The following SH3BP1 variants were observed in gnomAD, a reference collection of about 807,000 sequenced individuals.
The protein encoded by SH3BP1 is SH3 domain-binding protein 1.
SH3BP1 carries 46 observed loss-of-function variants against 69.8 expected under a neutral mutation model. The ratio of observed to expected loss-of-function variants is 0.66; its 90% confidence interval spans 0.52 to 0.84. The LOEUF (loss-of-function observed/expected upper bound fraction) is 0.84. Ranked by LOEUF, SH3BP1 falls within the 40% of genes least tolerant of loss-of-function variation. The pLI is 0.00. For missense variants in SH3BP1, 868 were observed against 930.9 expected (o/e 0.93, Z 0.88); for synonymous variants, 403 against 378.0 (o/e 1.07, Z -0.77).
chr22:37,650,660 G>C lies in SH3BP1; in HGVS notation c.1533G>C (p.Pro511=). 6.2e-7 allele frequency: 1 copy of C among 1,613,450 alleles called. No homozygotes were observed. Among genetic ancestry groups the C allele is most frequent in the Non-Finnish European group, 8.5e-7 (1 of 1,179,760 alleles). ...CCGTGCCCACCCCAGCCACCACCCC[G>C]GCTCCGGCTCCGGCTCCAGCTCCAG... ...STAVPTPATT[P]APAPAPAPAP... is the part of the protein sequence containing the mutation. Residue 511 remains proline, a synonymous_variant, in exon 16 of 18, where the codon CCG becomes CCC. Coordinates refer to ENST00000649765, the MANE Select transcript of SH3BP1 (RefSeq NM_018957.6).
Position 37,644,914 on chromosome 22 carries a change from G to C in SH3BP1, c.732G>C (p.Ser244=), listed in dbSNP as rs142684855. The C allele has an allele frequency of 6.2e-7, 1 of 1,614,024 alleles. No homozygotes were observed. The highest frequency in any genetic ancestry group is 8.5e-7 in the Non-Finnish European group (1 of 1,180,036). ...QADYHRRSLS[S]LDTALAELRE... ...ATTACCATCGCAGGTCACTGAGCTC[G>C]CTGGACACAGCCCTGGCTGAGCTGA... Residue 244 remains serine (S), a synonymous_variant, in exon 9 of 18, where the codon TCG becomes TCC. Transcript: ENST00000649765.
In SH3BP1 at chr22:37,645,012, G is replaced by C. The variant is rs1451620914; in HGVS notation, c.778+52G>C. ...CACCCCTGACCCTGCCCTGCTCGGG[G>C]CTTATTGAGAAGCTCGCACTTCATC... On this transcript the variant is annotated intron_variant, in intron 9 of 17. Coordinates refer to ENST00000649765, the MANE Select transcript of SH3BP1 (RefSeq NM_018957.6). The C allele has an allele frequency of 2.0e-6, 3 of 1,519,714 alleles. No homozygotes were observed. The East Asian group carries it at 6.9e-5, about 35-fold the overall frequency. 94.1% of individuals were successfully genotyped at this position (1,519,714 alleles called of 1,614,324 possible).
At chr22:37,642,505 C>G in intron 3 of SH3BP1, 34 bp from the exon 4 acceptor site, 3 of 1,608,972 alleles carry the variant, frequency 1.9e-6, no homozygotes, top group Non-Finnish European at 2.5e-6. Flanking sequence ...GAGGGAGGCA[C>G]GGACACTCAT....
In SH3BP1 at chr22:37,655,448, C is replaced by T; in HGVS notation, c.1870C>T (p.Pro624Ser). 4 of 796,698 alleles carry T rather than the reference C, an allele frequency of 5.0e-6. No homozygotes were observed. Among genetic ancestry groups the T allele is most frequent in the South Asian group, 3.2e-5 (2 of 61,556 alleles). 49.4% of individuals were successfully genotyped at this position (796,698 alleles called of 1,614,324 possible). The change falls in exon 18 of 18, where the codon CCC becomes TCC. Residue 624 changes from proline to serine, a missense_variant. Pro to Ser is a moderately conservative substitution (Grantham distance 74, BLOSUM62 -1). This residue lies in a region of SH3BP1 where 474 missense variants were observed against 462.3 expected (regional missense o/e 1.03). Transcript: ENST00000649765. ...LRAPTVPPPL[P>S]PTPPQPARRQ... is the part of the protein sequence containing the mutation. ...AGCCCCCACAGTGCCACCCCCGTTA[C>T]CCCCCACACCCCCTCAGCCTGCCCG...
Position 37,647,432 on chromosome 22 carries a change from C to T in SH3BP1, c.1119-9C>T, listed in dbSNP as rs117083814. 3.1e-6 allele frequency: 5 copies of T among 1,609,312 alleles called. No homozygotes were observed. The highest frequency in any genetic ancestry group is 1.3e-5 in the African/African-American group (1 of 74,792). Reference sequence around the variant, plus strand: ...GCGCTGGCTGACAGGTCTCTCCACTCCCCCCCAGCCTGAAGGAGCCAGGGG... The same window carrying T: ...GCGCTGGCTGACAGGTCTCTCCACTTCCCCCCAGCCTGAAGGAGCCAGGGG... On this transcript the variant is annotated splice_polypyrimidine_tract_variant and intron_variant, in intron 12 of 17. Transcript: ENST00000649765.
rs749310028 is a variant in SH3BP1 at position 37,641,107 on chromosome 22, C to T, written c.60-19C>T. ...CTCAGCAGAAGCACTCTCCCCCCCC[C>T]CCCCACCACTCCCCGCAGCACCCCG... On this transcript the variant is annotated intron_variant, in intron 1 of 17. Transcript: ENST00000649765. 4.5e-5 allele frequency: 62 copies of T among 1,363,190 alleles called. 1 individual carries two copies. Among genetic ancestry groups the T allele is most frequent in the Admixed American group, 2.4e-4 (12 of 49,450 alleles). 84.4% of individuals were successfully genotyped at this position (1,363,190 alleles called of 1,614,324 possible).
intron 10 of SH3BP1, among the ~76,000 whole-genome samples, chr22:37,646,160 A>G (rs1469577642): frequency 2.0e-5 from 3 of 150,790 alleles, no homozygotes; most frequent in Admixed American, 6.6e-5. Flanking sequence ...TAGAGATGAG[A>G]TTATGTTGGC....
chr22:37,643,556 A>G, intron 6 of SH3BP1, 88 bp from the exon 7 acceptor site: 2 of 1,557,758 alleles, frequency 1.3e-6, no homozygotes, highest in East Asian at 2.3e-5. Flanking sequence ...AAATCCTAGA[A>G]TCCCATGTGG....
chr22:37,639,708 C>CA lies in SH3BP1; in HGVS notation c.-79dup. ...CCCATCCGGGGCAAGAGCCGCGCCGCAGGAGAGGCAGGCTGGACCGGGGGC... is the reference window on the plus strand; with the variant it reads ...CCCATCCGGGGCAAGAGCCGCGCCGCAAGGAGAGGCAGGCTGGACCGGGGGC... On this transcript the variant is annotated 5_prime_UTR_variant, in exon 1 of 18. Coordinates refer to ENST00000649765, the MANE Select transcript of SH3BP1 (RefSeq NM_018957.6). 1 of 881,078 alleles carries CA rather than the reference C, an allele frequency of 1.1e-6. No homozygotes were observed. The highest frequency in any genetic ancestry group is 1.9e-5 in the South Asian group (1 of 53,484). 54.6% of individuals were successfully genotyped at this position (881,078 alleles called of 1,614,324 possible).
Position 37,643,150 on chromosome 22 carries a change from C to A in SH3BP1, c.449C>A (p.Ser150Tyr). ...KHKKSLQKLV[S>Y]DWNTLKSRLS... is the part of the protein sequence containing the mutation. Reference sequence around the variant, plus strand: ...AAGAAAAGCCTCCAGAAGCTCGTGTCCGACTGGAACACACTCAAGAGCAGG... The same window carrying A: ...AAGAAAAGCCTCCAGAAGCTCGTGTACGACTGGAACACACTCAAGAGCAGG... Residue 150 changes from serine to tyrosine, a missense_variant, in exon 6 of 18, where the codon TCC becomes TAC. This residue lies in a region of SH3BP1 where 387 missense variants were observed against 447.9 expected (regional missense o/e 0.86). Coordinates refer to ENST00000649765, the MANE Select transcript of SH3BP1 (RefSeq NM_018957.6). 1 of 1,607,418 alleles carries A rather than the reference C, an allele frequency of 6.2e-7. No individual in the cohort carries two copies. The highest frequency in any genetic ancestry group is 8.5e-7 in the Non-Finnish European group (1 of 1,177,120).
Position 37,639,735 on chromosome 22 carries a change from C to G in SH3BP1, c.-53C>G. The G allele has an allele frequency of 1.6e-6, 2 of 1,225,350 alleles. No individual in the cohort carries two copies. Among genetic ancestry groups the G allele is most frequent in the Non-Finnish European group, 2.2e-6 (2 of 898,444 alleles). The allele number at this position is 1,225,350 out of a possible 1,614,324, so 75.9% of individuals were successfully genotyped here. On this transcript the variant is annotated 5_prime_UTR_variant, in exon 1 of 18. Transcript: ENST00000649765. ...GGAGAGGCAGGCTGGACCGGGGGCT[C>G]CCCGGGCCCGCGACCCCCGCCGTGA... is the stretch of plus-strand genomic sequence containing the variant.
Position 37,643,863 on chromosome 22 carries a change from G to C in SH3BP1, c.618+75G>C. The C allele has an allele frequency of 2.5e-6, 4 of 1,574,096 alleles. No individual in the cohort carries two copies. In the South Asian group the frequency reaches 4.5e-5, roughly 18 times the overall value. On this transcript the variant is annotated intron_variant, in intron 7 of 17. Transcript: ENST00000649765. ...CCTGGCCCATCTCACAGGCAAGGAAGCTGAAGTTCAGAGAGGTGACATGAC... is the reference window on the plus strand; with the variant it reads ...CCTGGCCCATCTCACAGGCAAGGAACCTGAAGTTCAGAGAGGTGACATGAC...
rs373477637 is a variant in SH3BP1 at position 37,653,831 on chromosome 22, C to A, written c.1651C>A (p.Pro551Thr). 1 of 1,613,762 alleles carries A rather than the reference C, an allele frequency of 6.2e-7. No individual in the cohort carries two copies. The highest frequency in any genetic ancestry group is 1.1e-5 in the South Asian group (1 of 91,026). The change falls in exon 17 of 18, where the codon CCC (proline) becomes ACC (threonine). Residue 551 changes from proline (P) to threonine (T), a missense_variant. Physicochemically the swap from Pro to Thr is conservative, Grantham distance 38 (BLOSUM62 -1). This residue lies in a region of SH3BP1 where 474 missense variants were observed against 462.3 expected (regional missense o/e 1.03). Transcript: ENST00000649765. ...RPASPKVTRS[P>T]PETAAPVEDM... The stretch of plus-strand genomic sequence containing the variant: ...AGCCTCCCCCAAGGTCACCAGGAGT[C>A]CCCCGGAGACAGCTGCCCCAGTGGA...
At position 37,643,202 on chromosome 22, in the gene SH3BP1, C is replaced by T. The variant is rs753136103; in HGVS notation, c.473+28C>T. 14 of 1,581,176 alleles carry T rather than the reference C, an allele frequency of 8.9e-6. No individual in the cohort carries two copies. In the Admixed American group the frequency reaches 1.0e-4, roughly 12 times the overall value. On this transcript the variant is annotated intron_variant, in intron 6 of 17. Coordinates refer to ENST00000649765, the MANE Select transcript of SH3BP1 (RefSeq NM_018957.6). ...GGGAGCCCCAGCCGCTCAGGGGGCT[C>T]ATATCTGGGTCAGCCCACAGAGATG...
At chr22:37,645,642 T>C (rs1476420) in intron 10 of SH3BP1, 132 bp downstream of exon 10, 140,212 of 1,052,242 alleles carry the variant, frequency 0.13, 16,761 homozygotes, top group African/African-American at 0.56. Flanking sequence ...AAGACATGAC[T>C]GCCTCCTGCG....
chr22:37,647,151 A>G (rs1932798981), intron 11 of SH3BP1, 116 bp from the exon 12 acceptor site: 1 of 964,936 alleles, frequency 1.0e-6, no homozygotes, highest in African/African-American at 1.6e-5. Context: ...CTACAGCCCA[A>G]AGAAACTGTC....
In SH3BP1 at chr22:37,655,700, C is replaced by A; in HGVS notation, c.*16C>A. 1 of 1,477,206 alleles carries A rather than the reference C, an allele frequency of 6.8e-7. No individual in the cohort carries two copies. The highest frequency in any genetic ancestry group is 2.5e-5 in the East Asian group (1 of 40,714). 91.5% of individuals were successfully genotyped at this position (1,477,206 alleles called of 1,614,324 possible). A position where few individuals can be genotyped will look rare whatever the true frequency, so the allele number is the denominator to read the frequency against. On this transcript the variant is annotated 3_prime_UTR_variant, in exon 18 of 18. Coordinates refer to ENST00000649765, the MANE Select transcript of SH3BP1 (RefSeq NM_018957.6). Reference sequence around the variant, plus strand: ...GACCAACTGAGTGGCTGGTTTCTCCCTAAGCAGCCCTCAGCACCCCCTCCC... The same window carrying A: ...GACCAACTGAGTGGCTGGTTTCTCCATAAGCAGCCCTCAGCACCCCCTCCC...
At position 37,645,369 on chromosome 22, in the gene SH3BP1, C is replaced by G. The variant is rs781509346; in HGVS notation, c.783C>G (p.His261Gln). The G allele has an allele frequency of 3.1e-6, 5 of 1,608,014 alleles. No individual in the cohort carries two copies. The highest frequency in any genetic ancestry group is 3.4e-6 in the Non-Finnish European group (4 of 1,175,164). Residue 261 changes from histidine to glutamine, a missense_variant, in exon 10 of 18, where the codon CAC (histidine) becomes CAG (glutamine). By Grantham distance (24) the His-to-Gln change is conservative. Transcript: ENST00000649765. ...ELRENHGQAD[H>Q]SPSMTATHFP... ...TGATCTGTTTCATCCCTGCAGACCA[C>G]TCCCCTTCGATGACAGCCACCCACT...
intron 7 of SH3BP1, 148 bp downstream of exon 7, chr22:37,643,936 T>C (rs563767102): frequency 9.7e-6 from 8 of 825,960 alleles, no homozygotes; most frequent in Admixed American, 7.0e-5. Context: ...CGCCATTCCC[T>C]CGTAGCCTCT....
Sources: allele counts gnomAD v4.1 joint callset (sites outside exome capture counted in the v4.1 genomes callset), GRCh38; gene constraint gnomAD v4.1.1; regional missense constraint gnomAD v4.1.1; transcripts MANE v1.5; gene names NCBI Gene and HGNC (gene_info 2026-07-23, HGNC 2026-07-21).